KIF26B: variants seen among roughly 807,000 people sequenced by gnomAD.
KIF26B encodes the protein kinesin-like protein KIF26B.
Under a neutral mutation model 151.2 loss-of-function variants are expected in KIF26B, and 63 were observed. That is an observed-to-expected ratio of 0.42 (90% confidence interval 0.34 to 0.51). The LOEUF (loss-of-function observed/expected upper bound fraction) is 0.51. KIF26B is among the 20% of genes least tolerant of loss of function. The pLI, the probability that KIF26B is intolerant of heterozygous loss-of-function variation, is 0.07. For synonymous variants in KIF26B, 1,357 were observed against 1,262.1 expected, an observed-to-expected ratio of 1.08 and a Z score of -1.59; for missense variants, 2,813 against 2,913.6, an observed-to-expected ratio of 0.97 and a Z score of 0.79.
chr1:245,475,465 G>C (rs1660014195), intron 4 of KIF26B, among the ~76,000 whole-genome samples: 1 of 151,682 alleles, frequency 6.6e-6, no homozygotes, highest in African/African-American at 2.4e-5. Flanking sequence ...AAGGTCATTG[G>C]ATAGGCGGGA....
At chr1:245,457,174 CTT>C (rs1558173464) in intron 4 of KIF26B, among the ~76,000 whole-genome samples, 2 of 152,096 alleles carry the variant, frequency 1.3e-5, no homozygotes. Flanking sequence ...CCCATAAATG[CTT>C]TTTTAATGAG....
At chr1:245,441,714 G>A (rs752113382) in intron 4 of KIF26B, among the ~76,000 whole-genome samples, 4 of 152,142 alleles carry the variant, frequency 2.6e-5, no homozygotes, top group Non-Finnish European at 5.9e-5. Context: ...TTAAACAGAG[G>A]GGAAAAGATA....
At chr1:245,344,420 G>C (rs1672400291) in intron 2 of KIF26B, among the ~76,000 whole-genome samples, 1 of 150,526 alleles carries the variant, frequency 6.6e-6, no homozygotes, top group Non-Finnish European at 1.5e-5. Flanking sequence ...GCGTGAACCC[G>C]GAGGGCGGAG....
intron 2 of KIF26B, among the ~76,000 whole-genome samples, chr1:245,319,173 A>G (rs559832028): frequency 8.5e-5 from 13 of 152,346 alleles, no homozygotes; most frequent in African/African-American, 2.9e-4. Context: ...AGCCATGTAT[A>G]TGTGTAGCAT....
chr1:245,296,956 C>T (rs1671347538), intron 2 of KIF26B, among the ~76,000 whole-genome samples: 1 of 152,188 alleles, frequency 6.6e-6, no homozygotes, highest in Admixed American at 6.5e-5. Flanking sequence ...TGTGTATATG[C>T]TGAAGCAAGC....
At chr1:245,379,093 C>A (rs1417100805) in intron 3 of KIF26B, among the ~76,000 whole-genome samples, 1 of 152,214 alleles carries the variant, frequency 6.6e-6, no homozygotes, top group Non-Finnish European at 1.5e-5. Context: ...GAAAAGACAT[C>A]AATCACCAAT....
intron 10 of KIF26B, among the ~76,000 whole-genome samples, chr1:245,680,312 GC>G (rs1446429040): frequency 6.6e-6 from 1 of 152,142 alleles, no homozygotes; most frequent in Non-Finnish European, 1.5e-5. Flanking sequence ...GTCCGCAGAG[GC>G]CCACATGAAG....
rs562534017 is a variant in KIF26B, at chr1:245,346,480, G to T, written c.466-20354G>T. On this transcript the variant is annotated intron_variant, in intron 2 of 14. Transcript: ENST00000407071. ...TTGTTGCAGTCATCTATTCATCTCT[G>T]ATCCATGCCACCTTGTTCCTTGTGG... 3.3e-5 allele frequency among the ~76,000 whole-genome samples: 5 copies of T among 152,144 alleles called. No individual in the cohort carries two copies. In the East Asian group the frequency reaches 9.6e-4, roughly 29 times the overall value.
intron 4 of KIF26B, among the ~76,000 whole-genome samples, chr1:245,485,416 C>T (rs1660258346): frequency 6.8e-6 from 1 of 146,156 alleles, no homozygotes; most frequent in African/African-American, 2.5e-5. Flanking sequence ...CAAAGTTTCG[C>T]TCTGTCACCC....
At position 245,621,711 on chromosome 1, in the gene KIF26B, C is replaced by T. The variant is rs115807034; in HGVS notation, c.2098+9735C>T. ...TGTGTAACTACACTTTCTCCCCAGC[C>T]GCCGGAAGTGATGGAAATTCTTGAT... On this transcript the variant is annotated intron_variant, in intron 9 of 14. Transcript: ENST00000407071. Among the ~76,000 whole-genome samples, 607 of 152,306 alleles carry T rather than the reference C, an allele frequency of 4.0e-3. 4 individuals are homozygous for T. The highest frequency in any genetic ancestry group is 0.013 in the African/African-American group (535 of 41,568).
rs147084658 is a variant in KIF26B, at chr1:245,657,058, T to G, written c.2258+10778T>G. On this transcript the variant is annotated intron_variant, in intron 10 of 14. Coordinates refer to ENST00000407071, the MANE Select transcript of KIF26B (RefSeq NM_018012.4). ...AGAGACTTTATGATACTCTGTTCTT[T>G]AGGGCAATGACCACAGTTGCTGTTT... Among the ~76,000 whole-genome samples, 209 of 152,348 alleles carry G rather than the reference T, an allele frequency of 1.4e-3. 1 individual carries two copies. The highest frequency in any genetic ancestry group is 4.8e-3 in the African/African-American group (198 of 41,578).
intron 3 of KIF26B, among the ~76,000 whole-genome samples, chr1:245,404,579 G>A (rs1674089105): frequency 6.6e-6 from 1 of 152,184 alleles, no homozygotes; most frequent in Admixed American, 6.5e-5. Context: ...TTTGGGAAAT[G>A]CCATAGCATG....
intron 4 of KIF26B, among the ~76,000 whole-genome samples, chr1:245,432,132 G>A (rs1247769273): frequency 6.6e-5 from 10 of 151,816 alleles, no homozygotes; most frequent in East Asian, 1.9e-4. Flanking sequence ...CCTCCCTCTC[G>A]CGTGGTACCT....
Position 245,698,391 on chromosome 1 carries a change from G to A in KIF26B, c.6027+83G>A, listed in dbSNP as rs2044722700. ...GAGCAGGTGCTAGGCAGGGCCCTGG[G>A]GAAGAAAACTCAGACCCGGGCTTCC... On this transcript the variant is annotated intron_variant, in intron 13 of 14. Coordinates refer to ENST00000407071, the MANE Select transcript of KIF26B (RefSeq NM_018012.4). The surrounding 1 kb of genome is among the most constrained non-coding windows in gnomAD (Gnocchi z 4.0). The A allele has an allele frequency of 6.9e-6, 9 of 1,307,448 alleles. No individual in the cohort carries two copies. Among genetic ancestry groups the A allele is most frequent in the Non-Finnish European group, 9.5e-6 (9 of 942,808 alleles). 81.0% of individuals were successfully genotyped at this position (1,307,448 alleles called of 1,614,324 possible). A position where few individuals can be genotyped will look rare whatever the true frequency, so the allele number is the denominator to read the frequency against.
chr1:245,230,602 G>T (rs549046012), intron 2 of KIF26B, among the ~76,000 whole-genome samples: 1 of 152,242 alleles, frequency 6.6e-6, no homozygotes, highest in East Asian at 1.9e-4. Flanking sequence ...AATCAGCCGG[G>T]CATGGTGGCG....
rs140479554 is a variant in KIF26B at position 245,560,697 on chromosome 1, C to T, written c.1350+19747C>T. ...CAACCTGTCAGTCTCTCCCCTCTCACGGAAGCCTGACATGTAAATCTCAAG... is the reference window on the plus strand; with the variant it reads ...CAACCTGTCAGTCTCTCCCCTCTCATGGAAGCCTGACATGTAAATCTCAAG... On this transcript the variant is annotated intron_variant, in intron 5 of 14. Transcript: ENST00000407071. The surrounding 1 kb of genome is among the most constrained non-coding windows in gnomAD (Gnocchi z 4.3). Among the ~76,000 whole-genome samples the T allele has an allele frequency of 4.6e-5, 7 of 152,306 alleles. No homozygotes were observed. Among genetic ancestry groups the T allele is most frequent in the South Asian group, 4.1e-4 (2 of 4,822 alleles).
At chr1:245,642,322 G>A (rs1411906424) in intron 9 of KIF26B, among the ~76,000 whole-genome samples, 1 of 152,102 alleles carries the variant, frequency 6.6e-6, no homozygotes, top group Non-Finnish European at 1.5e-5. Context: ...ACAGGCATGT[G>A]TTACTCAGCA....
rs145434456 is a variant in KIF26B, at chr1:245,174,896, C to T, written c.465+18213C>T. Among the ~76,000 whole-genome samples the T allele has an allele frequency of 8.1e-3, 1,240 of 152,276 alleles. 9 individuals carry two copies. The highest frequency in any genetic ancestry group is 9.6e-3 in the Non-Finnish European group (650 of 68,022). On this transcript the variant is annotated intron_variant, in intron 2 of 14. Coordinates refer to ENST00000407071, the MANE Select transcript of KIF26B (RefSeq NM_018012.4). ...TTTTTGCAGGTGTCTCATGCTTCCT[C>T]GGTTAAGGAATGGGAATTATCATAA...
In KIF26B at chr1:245,662,315, T is replaced by G. The variant is rs567661535; in HGVS notation, c.2258+16035T>G. Among the ~76,000 whole-genome samples the G allele has an allele frequency of 5.5e-5, 7 of 128,356 alleles. No homozygotes were observed. In the East Asian group the frequency reaches 1.4e-3, roughly 25 times the overall value. 84.2% of individuals were successfully genotyped at this position (128,356 alleles called of 152,430 possible). On this transcript the variant is annotated intron_variant, in intron 10 of 14. Transcript: ENST00000407071. The stretch of plus-strand genomic sequence containing the variant: ...ATACTCACACACACCCTATATATAT[T>G]TACACACCTAATGATATATACACAC...
Sources: allele counts gnomAD v4.1 joint callset (sites outside exome capture counted in the v4.1 genomes callset), GRCh38; gene constraint gnomAD v4.1.1; non-coding constraint Gnocchi (gnomAD v3.1); transcripts MANE v1.5; gene names NCBI Gene and HGNC (gene_info 2026-07-23, HGNC 2026-07-21).